Variants in RHBDD1 observed in about 807,000 individuals in gnomAD.
RHBDD1 encodes the protein rhomboid-related protein 4.
In RHBDD1, 38 loss-of-function variants were observed where a neutral mutation model predicts 36.3. The observed-to-expected ratio is 1.05, with a 90% confidence interval of 0.81 to 1.37. RHBDD1 has a LOEUF of 1.37. Among genes scored for constraint, RHBDD1 ranks in the 40% most tolerant of loss-of-function variants. RHBDD1 has a pLI of 0.00. For missense variants in RHBDD1, 393 were observed against 377.6 expected (o/e 1.04, Z -0.34); for synonymous variants, 151 against 136.5 (o/e 1.11, Z -0.74).
At chr2:226,866,728 C>T (rs1559211232) in intron 4 of RHBDD1, among the ~76,000 whole-genome samples, 1 of 152,184 alleles carries the variant, frequency 6.6e-6, no homozygotes, top group Non-Finnish European at 1.5e-5. Context: ...TCCTGACATC[C>T]TTCCCCTTTC....
the RHBDD1 span, among the ~76,000 whole-genome samples, chr2:226,803,563 A>G: frequency 6.6e-6 from 1 of 152,208 alleles, no homozygotes; most frequent in South Asian, 2.1e-4. Flanking sequence ...TGCTGCCCAC[A>G]GGAAACTTAC....
chr2:226,825,435 A>T, the RHBDD1 span, among the ~76,000 whole-genome samples: 1 of 152,356 alleles, frequency 6.6e-6, no homozygotes, highest in African/African-American at 2.4e-5. Flanking sequence ...GGACAGCTGT[A>T]AACCAAATTT....
the RHBDD1 span, among the ~76,000 whole-genome samples, chr2:226,830,335 C>T: frequency 1.3e-5 from 2 of 152,176 alleles, no homozygotes; most frequent in Non-Finnish European, 2.9e-5. Flanking sequence ...ACTCATCAAT[C>T]TGCCCATGAT....
intron 1 of RHBDD1, among the ~76,000 whole-genome samples, chr2:226,836,398 C>T (rs778540005): frequency 6.6e-6 from 1 of 152,224 alleles, no homozygotes; most frequent in Non-Finnish European, 1.5e-5. Context: ...TGGCGCTGAG[C>T]GAGTTTAAAG....
chr2:226,945,928 G>C (rs1208250415), intron 8 of RHBDD1, among the ~76,000 whole-genome samples: 1 of 151,818 alleles, frequency 6.6e-6, no homozygotes, highest in Non-Finnish European at 1.5e-5. Context: ...TTTTTCCTAT[G>C]TTTGTTGGCC....
At chr2:226,816,712 A>G in the RHBDD1 span, among the ~76,000 whole-genome samples, 1 of 152,180 alleles carries the variant, frequency 6.6e-6, no homozygotes, top group African/African-American at 2.4e-5. Flanking sequence ...CCTGACCAAC[A>G]TGGTAAAACC....
chr2:226,978,873 C>T (rs1442137673), intron 8 of RHBDD1, among the ~76,000 whole-genome samples: 1 of 152,136 alleles, frequency 6.6e-6, no homozygotes, highest in Non-Finnish European at 1.5e-5. Context: ...TTTTGAAAAG[C>T]TCTCCCAGCT....
At chr2:226,865,277 G>A in intron 4 of RHBDD1, 151 bp downstream of exon 4, 1 of 664,316 alleles carries the variant, frequency 1.5e-6, no homozygotes. Context: ...GGAGCATGCA[G>A]GGACTAGTTT....
intron 8 of RHBDD1, among the ~76,000 whole-genome samples, chr2:226,951,703 T>A (rs2149220739): frequency 1.3e-5 from 2 of 152,328 alleles, no homozygotes; most frequent in Admixed American, 1.3e-4. Context: ...AAAGGCAGAA[T>A]TTAAAGATGA....
chr2:226,883,498 A>G (rs552801340), intron 5 of RHBDD1, among the ~76,000 whole-genome samples: 1 of 152,330 alleles, frequency 6.6e-6, no homozygotes, highest in South Asian at 2.1e-4. Flanking sequence ...GAAGAGCGGT[A>G]GGTAGAAACA....
At chr2:226,945,666 TATA>T (rs945795944) in intron 8 of RHBDD1, among the ~76,000 whole-genome samples, 20 of 152,296 alleles carry the variant, frequency 1.3e-4, no homozygotes, top group African/African-American at 4.8e-4. Flanking sequence ...CCTTTGGGTA[TATA>T]CCCAGTACTG....
intron 5 of RHBDD1, 135 bp downstream of exon 5, chr2:226,867,453 T>C: frequency 3.3e-6 from 4 of 1,201,182 alleles, no homozygotes; most frequent in Non-Finnish European, 4.5e-6. Flanking sequence ...GAATCAAGCT[T>C]AATAGTTTTA....
rs1200408274 is a variant in RHBDD1 at position 226,982,406 on chromosome 2, T to C, written c.857-13025T>C. 3.3e-5 allele frequency among the ~76,000 whole-genome samples: 5 copies of C among 152,226 alleles called. No homozygotes were observed. The East Asian group carries it at 9.6e-4, about 29-fold the overall frequency. On this transcript the variant is annotated intron_variant, in intron 8 of 8. Transcript: ENST00000392062. ...TTTTGTAATTATGCATTGATATTGG[T>C]ATTTCTGGACCTGTAGTTATATACT...
chr2:226,807,529 A>T, the RHBDD1 span: 1 of 152,180 alleles, frequency 6.6e-6, no homozygotes, highest in Non-Finnish European at 1.5e-5. Flanking sequence ...TTCAAGAAAT[A>T]TTTACTGTGA....
intron 5 of RHBDD1, among the ~76,000 whole-genome samples, chr2:226,874,798 C>T (rs1239526676): frequency 2.0e-5 from 3 of 152,120 alleles, no homozygotes; most frequent in Admixed American, 6.6e-5. Context: ...CATTATTCAG[C>T]CTACTACAGC....
chr2:226,837,847 T>C (rs1320305182), intron 1 of RHBDD1: 1 of 152,214 alleles, frequency 6.6e-6, no homozygotes, highest in East Asian at 1.9e-4. Context: ...AGGTAAGCAC[T>C]AGTTTTAGAG....
chr2:226,874,583 A>C (rs1430841571), intron 5 of RHBDD1, among the ~76,000 whole-genome samples: 2 of 152,124 alleles, frequency 1.3e-5, no homozygotes, highest in African/African-American at 4.8e-5. Flanking sequence ...GTCCAGGGTC[A>C]TGTGGCCTTC....
intron 8 of RHBDD1, among the ~76,000 whole-genome samples, chr2:226,966,030 G>T (rs1952601620): frequency 6.6e-6 from 1 of 152,110 alleles, no homozygotes; most frequent in Non-Finnish European, 1.5e-5. Flanking sequence ...AATTTACCAT[G>T]ATCAAGTAGG....
At chr2:226,921,676 T>C (rs903675527) in intron 8 of RHBDD1, among the ~76,000 whole-genome samples, 4 of 152,230 alleles carry the variant, frequency 2.6e-5, no homozygotes, top group African/African-American at 2.4e-5. Flanking sequence ...TCTAATCTTA[T>C]TCCATTGTGG....
Sources: allele counts gnomAD v4.1 joint callset (sites outside exome capture counted in the v4.1 genomes callset), GRCh38; gene constraint gnomAD v4.1.1; transcripts MANE v1.5; gene names NCBI Gene and HGNC (gene_info 2026-07-23, HGNC 2026-07-21).